ATF7IP: variants seen among roughly 807,000 people sequenced by gnomAD.
ATF7IP encodes activating transcription factor 7 interacting protein.
In ATF7IP, 23 loss-of-function variants were observed where a neutral mutation model predicts 106.4. That is an observed-to-expected ratio of 0.22 (90% CI 0.16 to 0.31). The LOEUF is 0.31. Ranked by LOEUF, ATF7IP falls within the 10% of genes least tolerant of loss-of-function variation. The probability of loss-of-function intolerance (pLI) is 1.00; values close to 1 mark genes in which losing one functional copy is unlikely to be tolerated. For missense variants in ATF7IP, 1,334 were observed against 1,524.3 expected (o/e 0.88, Z 2.08); for synonymous variants, 542 against 539.0 (o/e 1.01, Z -0.08).
At position 14,424,237 on chromosome 12, in the gene ATF7IP, A is replaced by G; in HGVS notation, c.322A>G (p.Asn108Asp). The G allele has an allele frequency of 6.2e-7, 1 of 1,614,224 alleles. No individual in the cohort carries two copies. Residue 108 changes from asparagine (N) to aspartate (D), a missense_variant, in exon 2 of 15, where the codon AAT (asparagine) becomes GAT (aspartate). Physicochemically the swap from Asn to Asp is conservative, Grantham distance 23 (BLOSUM62 1). This residue lies in a region of ATF7IP where 438 missense variants were observed against 405.3 expected (regional missense o/e 1.08). Coordinates refer to ENST00000261168, the MANE Select transcript of ATF7IP (RefSeq NM_018179.5). ...NVKNKQDDDL[N>D]CEPLSPHNIT... ...AAAAAACAAGCAGGATGATGATTTA[A>G]ATTGTGAACCTTTGTCTCCCCATAA...
intron 5 of ATF7IP, among the ~76,000 whole-genome samples, chr12:14,444,965 A>G (rs796334773): frequency 2.7e-5 from 4 of 149,974 alleles, no homozygotes; most frequent in African/African-American, 7.4e-5. Flanking sequence ...TATGCATACT[A>G]TGCAATTTTT....
chr12:14,404,981 ATATT>A (rs1479384796), intron 1 of ATF7IP, among the ~76,000 whole-genome samples: 2 of 152,236 alleles, frequency 1.3e-5, no homozygotes, highest in African/African-American at 2.4e-5. Flanking sequence ...TTCTTAAAAT[ATATT>A]AAACTTTTTT....
At chr12:14,481,454 A>G (rs1040569441) in intron 13 of ATF7IP, 2 of 344,848 alleles carry the variant, frequency 5.8e-6, no homozygotes, top group African/African-American at 1.0e-4. Context: ...GATCATGCAT[A>G]TGTCAGCTAG....
At chr12:14,477,989 T>G (rs1330736216) in intron 11 of ATF7IP, among the ~76,000 whole-genome samples, 1 of 152,202 alleles carries the variant, frequency 6.6e-6, no homozygotes, top group Non-Finnish European at 1.5e-5. Flanking sequence ...AGAAGAGTGT[T>G]CTTCCTATAG....
chr12:14,453,636 T>C (rs906089058), intron 6 of ATF7IP, among the ~76,000 whole-genome samples: 1 of 152,162 alleles, frequency 6.6e-6, no homozygotes, highest in African/African-American at 2.4e-5. Flanking sequence ...TATCTTTTTT[T>C]TTTTTGAGAA....
intron 2 of ATF7IP, among the ~76,000 whole-genome samples, chr12:14,431,071 C>T (rs1942094555): frequency 6.6e-6 from 1 of 152,108 alleles, no homozygotes; most frequent in Admixed American, 6.5e-5. Context: ...AAACTAAGTC[C>T]CCTAATGTAA....
chr12:14,368,770 C>G (rs1938408843), intron 1 of ATF7IP, among the ~76,000 whole-genome samples: 2 of 151,724 alleles, frequency 1.3e-5, no homozygotes, highest in Admixed American at 1.3e-4. Flanking sequence ...AGCTGTTTGA[C>G]TTTTTGTGTA....
intron 10 of ATF7IP, among the ~76,000 whole-genome samples, chr12:14,470,335 G>A (rs1943992847): frequency 6.6e-6 from 1 of 152,130 alleles, no homozygotes; most frequent in Admixed American, 6.6e-5. Flanking sequence ...AACGACACAT[G>A]ATTAGCTAAG....
intron 1 of ATF7IP, among the ~76,000 whole-genome samples, chr12:14,388,646 CTTCT>C (rs1843834461): frequency 6.6e-6 from 1 of 152,014 alleles, no homozygotes; most frequent in African/African-American, 2.4e-5. Flanking sequence ...TGCGCCCAGC[CTTCT>C]TTCTTTCTTT....
chr12:14,380,384 G>A (rs1230454447), intron 1 of ATF7IP, among the ~76,000 whole-genome samples: 2 of 152,098 alleles, frequency 1.3e-5, no homozygotes, highest in Non-Finnish European at 2.9e-5. Flanking sequence ...ATCTAAATTC[G>A]ACAGTTTGAA....
At chr12:14,393,384 C>T (rs1939680425) in intron 1 of ATF7IP, among the ~76,000 whole-genome samples, 1 of 151,950 alleles carries the variant, frequency 6.6e-6, no homozygotes, top group African/African-American at 2.4e-5. Flanking sequence ...ATCTTTCCTC[C>T]AACCAAGAGT....
chr12:14,491,479 A>C (rs967039287), intron 13 of ATF7IP, among the ~76,000 whole-genome samples: 4 of 152,178 alleles, frequency 2.6e-5, no homozygotes, highest in African/African-American at 4.8e-5. Context: ...CAAATCTCTC[A>C]CCAATAAGTC....
rs113196746 is a variant in ATF7IP, at chr12:14,424,525, C to T, written c.610C>T (p.Pro204Ser). 1 of 1,614,058 alleles carries T rather than the reference C, an allele frequency of 6.2e-7. No homozygotes were observed. Among genetic ancestry groups the T allele is most frequent in the Non-Finnish European group, 8.5e-7 (1 of 1,180,026 alleles). ...ATADDLSSGDPTSSDPIPGEP... is the reference protein window; with the variant it reads ...ATADDLSSGDSTSSDPIPGEP... Reference sequence around the variant, plus strand: ...TGCTGATGATCTCTCCTCTGGTGATCCCACCTCTAGTGATCCCATCCCAGG... The same window carrying T: ...TGCTGATGATCTCTCCTCTGGTGATTCCACCTCTAGTGATCCCATCCCAGG... The change falls in exon 2 of 15, where the codon CCC becomes TCC. Residue 204 changes from proline to serine, a missense_variant. Pro to Ser is a moderately conservative substitution (Grantham distance 74). Around this residue, in one of 10 missense-constraint regions of ATF7IP, gnomAD observed 438 missense variants for 405.3 expected, o/e 1.08. Transcript: ENST00000261168.
chr12:14,497,520 T>G, intron 14 of ATF7IP, 134 bp from the exon 15 acceptor site: 1 of 928,708 alleles, frequency 1.1e-6, no homozygotes, highest in Non-Finnish European at 1.6e-6. Flanking sequence ...AAATTTGATA[T>G]GGTATTTGGT....
intron 1 of ATF7IP, among the ~76,000 whole-genome samples, chr12:14,373,665 G>A (rs1474233611): frequency 6.6e-6 from 1 of 152,132 alleles, no homozygotes; most frequent in Non-Finnish European, 1.5e-5. Context: ...TGCTATATAA[G>A]GAATTGGGAG....
At chr12:14,435,239 T>C (rs541171446) in intron 3 of ATF7IP, among the ~76,000 whole-genome samples, 2 of 152,276 alleles carry the variant, frequency 1.3e-5, no homozygotes, top group South Asian at 4.2e-4. Context: ...GGAAAGATCA[T>C]TGGACTAGAA....
chr12:14,491,930 G>A (rs571155037), intron 13 of ATF7IP, among the ~76,000 whole-genome samples: 10 of 152,180 alleles, frequency 6.6e-5, no homozygotes, highest in African/African-American at 7.2e-5. Context: ...GGCAAGCACC[G>A]CCCCTGCATC....
chr12:14,399,672 A>G (rs992334717), intron 1 of ATF7IP, among the ~76,000 whole-genome samples: 1 of 147,022 alleles, frequency 6.8e-6, no homozygotes, highest in Non-Finnish European at 1.5e-5. Context: ...TTCTGGGTAT[A>G]TTTCTTATGT....
chr12:14,414,423 G>A (rs912217990), intron 1 of ATF7IP, among the ~76,000 whole-genome samples: 6 of 152,206 alleles, frequency 3.9e-5, no homozygotes, highest in African/African-American at 1.2e-4. Context: ...TGTTTTGAAT[G>A]TAGCCAAACA....
Sources: allele counts gnomAD v4.1 joint callset (sites outside exome capture counted in the v4.1 genomes callset), GRCh38; gene constraint gnomAD v4.1.1; regional missense constraint gnomAD v4.1.1; transcripts MANE v1.5; gene names NCBI Gene and HGNC (gene_info 2026-07-23, HGNC 2026-07-21).